The following AKAP1 variants were observed in gnomAD, a reference collection of about 807,000 sequenced individuals.
The protein encoded by AKAP1 is A-kinase anchoring protein 1, also known as A-kinase anchor protein 1, mitochondrial.
A neutral mutation model predicts 79.8 loss-of-function variants in AKAP1; 32 were observed. That is an observed-to-expected ratio of 0.40 (90% CI 0.30 to 0.54). The LOEUF (loss-of-function observed/expected upper bound fraction) is 0.54. AKAP1 is among the 20% of genes least tolerant of loss of function. The pLI is 0.47. For missense variants in AKAP1, 961 were observed against 1,138.9 expected (o/e 0.84, Z 2.25); for synonymous variants, 416 against 466.7 (o/e 0.89, Z 1.40).
intron 3 of AKAP1, among the ~76,000 whole-genome samples, chr17:57,111,591 C>T (rs1246181812): frequency 6.6e-6 from 1 of 152,176 alleles, no homozygotes; most frequent in East Asian, 1.9e-4. Flanking sequence ...CTTGTTTCCC[C>T]ATATACAGAA....
rs140982826 is a variant in AKAP1 at position 57,106,092 on chromosome 17, T to C, written c.628T>C (p.Leu210=). Residue 210 remains leucine, a synonymous_variant, in exon 2 of 11, where the codon TTG becomes CTG. Transcript: ENST00000337714. ...GGCCGAAGGGACTGGTGATGCCGTGTTGGGGGAAAAGGTGCTTGAAGAAGC... is the reference window on the plus strand; with the variant it reads ...GGCCGAAGGGACTGGTGATGCCGTGCTGGGGGAAAAGGTGCTTGAAGAAGC... ...GGAEGTGDAV[L]GEKVLEEALL... is the part of the protein sequence containing the mutation. 22 of 1,605,714 alleles carry C rather than the reference T, an allele frequency of 1.4e-5. No individual in the cohort carries two copies. The highest frequency in any genetic ancestry group is 2.7e-5 in the African/African-American group (2 of 74,606).
chr17:57,114,488 G>C lies in AKAP1; in HGVS notation c.2133G>C (p.Glu711Asp). The change falls in exon 6 of 11, where the codon GAG becomes GAC. Residue 711 changes from glutamate (E) to aspartate (D), a missense_variant. Around this residue, in one of 3 missense-constraint regions of AKAP1, gnomAD observed 629 missense variants for 781.1 expected, o/e 0.81. Transcript: ENST00000337714. ...WLMLPDGITV[E>D]VIVVNQVNAG... ...TGCTGCCTGATGGCATCACCGTGGA[G>C]GTCATTGTGGTCAACCAGGTCAATG... is the stretch of plus-strand genomic sequence containing the variant. 6.2e-7 allele frequency: 1 copy of C among 1,614,132 alleles called. No individual in the cohort carries two copies. The highest frequency in any genetic ancestry group is 1.1e-5 in the South Asian group (1 of 91,090).
chr17:57,091,605 C>T (rs1276938512), intron 1 of AKAP1, among the ~76,000 whole-genome samples: 2 of 152,140 alleles, frequency 1.3e-5, no homozygotes, highest in African/African-American at 4.8e-5. Context: ...TGTCAGACTG[C>T]TGCCTGGGGA....
At chr17:57,105,038 T>G (rs1480731426) in intron 1 of AKAP1, among the ~76,000 whole-genome samples, 1 of 152,192 alleles carries the variant, frequency 6.6e-6, no homozygotes, top group Non-Finnish European at 1.5e-5. Flanking sequence ...GGGTTTGAAA[T>G]GCTCTGATGC....
rs751092209 is a variant in AKAP1, at chr17:57,118,463, T to C, written c.2574+9T>C. 8.7e-6 allele frequency: 14 copies of C among 1,613,610 alleles called. No individual in the cohort carries two copies. In the South Asian group the frequency reaches 1.5e-4, roughly 18 times the overall value. ...CAGCACTGCTTGCTCAGGTGTGTGG[T>C]TGGCAGGGGTGGGGGAGGCAGGCTG... On this transcript the variant is annotated intron_variant, in intron 9 of 10. Transcript: ENST00000337714.
Position 57,086,250 on chromosome 17 carries a change from G to C in AKAP1, c.-25+852G>C, listed in dbSNP as rs1913445219. The C allele has an allele frequency of 2.9e-6, 1 of 343,738 alleles. No homozygotes were observed. The highest frequency in any genetic ancestry group is 2.1e-5 in the South Asian group (1 of 48,144). 21.3% of individuals were successfully genotyped at this position (343,738 alleles called of 1,614,324 possible). On this transcript the variant is annotated intron_variant, in intron 1 of 10. Coordinates refer to ENST00000337714, the MANE Select transcript of AKAP1 (RefSeq NM_003488.4). This position sits in a 1 kb window ranked among gnomAD's most constrained non-coding sequence, Gnocchi z 5.1. ...GGGCCCGGGGTCTGCGATCTGGAGG[G>C]ACCGCGCCAGTTTTGGGGTTACGAT...
intron 6 of AKAP1, among the ~76,000 whole-genome samples, chr17:57,115,303 T>G (rs1961556058): frequency 6.6e-6 from 1 of 152,188 alleles, no homozygotes; most frequent in African/African-American, 2.4e-5. Context: ...TAGCCTTTTG[T>G]GTGGATTTTT....
intron 1 of AKAP1, among the ~76,000 whole-genome samples, chr17:57,090,940 A>T (rs192426937): frequency 2.2e-4 from 34 of 152,324 alleles, no homozygotes; most frequent in Non-Finnish European, 3.5e-4. Context: ...GGCCCTCCAA[A>T]GGCTGTCACC....
At chr17:57,090,653 T>C (rs1913732560) in intron 1 of AKAP1, among the ~76,000 whole-genome samples, 2 of 152,208 alleles carry the variant, frequency 1.3e-5, no homozygotes. Context: ...GTGAGGGAGA[T>C]ATTCCCTATT....
chr17:57,097,328 T>G (rs1369865629), intron 1 of AKAP1, among the ~76,000 whole-genome samples: 5 of 152,222 alleles, frequency 3.3e-5, no homozygotes, highest in Non-Finnish European at 7.3e-5. Context: ...AGAGATTGAT[T>G]CTTCCATCAG....
At position 57,105,983 on chromosome 17, in the gene AKAP1, G is replaced by T. The variant is rs773995381; in HGVS notation, c.519G>T (p.Arg173Ser). Residue 173 changes from arginine to serine, a missense_variant, in exon 2 of 11, where the codon AGG (arginine) becomes AGT (serine). Physicochemically the swap from Arg to Ser is moderately radical, Grantham distance 110. Transcript: ENST00000337714. The stretch of plus-strand genomic sequence containing the variant: ...GTAAGCAAGATTCCCCCTTCAGCAG[G>T]GTGCCAAGGAAGGTCCAGCCAGGCT... ...EVCKQDSPFS[R>S]VPRKVQPGYP... 2 of 1,614,054 alleles carry T rather than the reference G, an allele frequency of 1.2e-6. No homozygotes were observed. The highest frequency in any genetic ancestry group is 1.7e-6 in the Non-Finnish European group (2 of 1,180,052).
intron 1 of AKAP1, chr17:57,085,612 C>T (rs1009977820): frequency 6.6e-6 from 1 of 152,552 alleles, no homozygotes; most frequent in African/African-American, 2.4e-5. Flanking sequence ...TCTGCGCCCC[C>T]TCTCGTCCTT....
At chr17:57,114,309 T>C in intron 5 of AKAP1, 150 bp from the exon 6 acceptor site, 1 of 935,526 alleles carries the variant, frequency 1.1e-6, no homozygotes, top group Non-Finnish European at 1.6e-6. Context: ...AAAGTAGTCC[T>C]TCAACCTCTA....
intron 3 of AKAP1, among the ~76,000 whole-genome samples, chr17:57,111,216 A>C (rs1597984885): frequency 6.6e-6 from 1 of 152,176 alleles, no homozygotes; most frequent in Non-Finnish European, 1.5e-5. Flanking sequence ...GGCTGCTTCT[A>C]TCTGCCTTGA....
intron 1 of AKAP1, among the ~76,000 whole-genome samples, chr17:57,104,256 T>C (rs903461215): frequency 7.2e-5 from 11 of 152,186 alleles, no homozygotes; most frequent in African/African-American, 2.4e-4. Flanking sequence ...CATGAGCCAC[T>C]GCGCCCAGCC....
At chr17:57,097,144 C>G (rs980455710) in intron 1 of AKAP1, among the ~76,000 whole-genome samples, 3 of 152,202 alleles carry the variant, frequency 2.0e-5, no homozygotes, top group Admixed American at 1.3e-4. Flanking sequence ...TTGGGACTCA[C>G]TGTTCCCTCC....
In AKAP1 at chr17:57,098,534, CAGGA is replaced by C. The variant is rs1302781336; in HGVS notation, c.-24-6900_-24-6897del. 2.6e-5 allele frequency: 4 copies of C among 152,200 alleles called. 1 individual carries two copies. In the East Asian group the frequency reaches 5.8e-4, roughly 22 times the overall value. The allele number at this position is 152,200 out of a possible 1,614,324, so 9.4% of individuals were successfully genotyped here. ...CAACTCCGAAGAGTCTGGCCCAGTG[CAGGA>C]AGGAAGATGTCAGAAGAGCCTTGTA... On this transcript the variant is annotated intron_variant, in intron 1 of 10. Transcript: ENST00000337714.
At chr17:57,109,798 T>G (rs1915122848) in intron 2 of AKAP1, among the ~76,000 whole-genome samples, 1 of 152,188 alleles carries the variant, frequency 6.6e-6, no homozygotes, top group Non-Finnish European at 1.5e-5. Context: ...ATTAAGCAAG[T>G]GGGACTGTAA....
chr17:57,119,234 A>C (rs1915773354), intron 10 of AKAP1, among the ~76,000 whole-genome samples, 190 bp downstream of exon 10: 1 of 152,176 alleles, frequency 6.6e-6, no homozygotes, highest in African/African-American at 2.4e-5. Flanking sequence ...GGTAGAGGCC[A>C]AGGATGCCAC....
Sources: gnomAD v4.1 joint callset for allele counts (sites outside exome capture counted in the v4.1 genomes callset) on GRCh38, gnomAD v4.1.1 for gene constraint, gnomAD v4.1.1 regional missense constraint, Gnocchi (gnomAD v3.1) non-coding constraint, MANE v1.5 for transcripts, NCBI Gene and HGNC (gene_info 2026-07-23, HGNC 2026-07-21) for gene names.